The following GALNT16 variants were observed in gnomAD, a reference collection of about 807,000 sequenced individuals.
The protein encoded by GALNT16 is polypeptide N-acetylgalactosaminyltransferase 16.
A neutral mutation model predicts 76.1 loss-of-function variants in GALNT16; 40 were observed. That is an observed-to-expected ratio of 0.53 (90% CI 0.41 to 0.68). The LOEUF (loss-of-function observed/expected upper bound fraction) is 0.68. GALNT16 is among the 30% of genes least tolerant of loss of function. The pLI, the probability that GALNT16 is intolerant of heterozygous loss-of-function variation, is 0.00. For synonymous variants in GALNT16, 276 were observed against 285.2 expected (o/e 0.97, Z 0.32); for missense variants, 621 against 731.9 (o/e 0.85, Z 1.75).
chr14:69,272,868 G>A (rs898023849), intron 1 of GALNT16, among the ~76,000 whole-genome samples: 3 of 152,208 alleles, frequency 2.0e-5, no homozygotes, highest in Non-Finnish European at 4.4e-5. Flanking sequence ...GAGCAATAGG[G>A]TATCCCATAT....
intron 1 of GALNT16, among the ~76,000 whole-genome samples, chr14:69,284,896 C>A (rs1364978740): frequency 6.6e-6 from 1 of 152,062 alleles, no homozygotes; most frequent in Non-Finnish European, 1.5e-5. Flanking sequence ...CTTTGCTCGG[C>A]CCTTCTCTCT....
At chr14:69,264,759 AT>A (rs1333271965) in intron 1 of GALNT16, among the ~76,000 whole-genome samples, 4 of 148,024 alleles carry the variant, frequency 2.7e-5, no homozygotes, top group African/African-American at 1.0e-4. Context: ...CTTTGTCAAA[AT>A]GTTCAGATTT....
At chr14:69,286,246 C>T (rs967790301) in intron 1 of GALNT16, among the ~76,000 whole-genome samples, 4 of 151,322 alleles carry the variant, frequency 2.6e-5, no homozygotes, top group Admixed American at 2.6e-4. Flanking sequence ...TGCTCTATTT[C>T]TTGGTAGGGA....
the GALNT16 span, among the ~76,000 whole-genome samples, chr14:69,385,515 C>G: frequency 6.6e-6 from 1 of 152,014 alleles, no homozygotes; most frequent in Admixed American, 6.6e-5. Context: ...CTATCAGTTT[C>G]TCCTTCTCTG....
chr14:69,325,706 G>A (rs577551720), intron 4 of GALNT16, among the ~76,000 whole-genome samples: 3 of 152,312 alleles, frequency 2.0e-5, no homozygotes, highest in South Asian at 2.1e-4. Flanking sequence ...TAGCTGGGCT[G>A]GTAGCCACCC....
chr14:69,284,148 C>G (rs2044579123), intron 1 of GALNT16, among the ~76,000 whole-genome samples: 1 of 152,186 alleles, frequency 6.6e-6, no homozygotes, highest in Non-Finnish European at 1.5e-5. Flanking sequence ...TGGACCTCCT[C>G]CTTATCTTCC....
At chr14:69,281,333 G>A (rs1386150489) in intron 1 of GALNT16, among the ~76,000 whole-genome samples, 1 of 152,180 alleles carries the variant, frequency 6.6e-6, no homozygotes, top group Non-Finnish European at 1.5e-5. Flanking sequence ...CAGCTAATCA[G>A]TCACAGTGCT....
chr14:69,344,724 T>C (rs1193495965), intron 12 of GALNT16, among the ~76,000 whole-genome samples: 1 of 152,198 alleles, frequency 6.6e-6, no homozygotes, highest in Non-Finnish European at 1.5e-5. Context: ...TGAAAGCTGA[T>C]CAGCTTGCAC....
chr14:69,298,574 T>G (rs1322073341), intron 1 of GALNT16: 1 of 152,324 alleles, frequency 6.6e-6, no homozygotes, highest in African/African-American at 2.4e-5. Context: ...TGGGGGCAAC[T>G]TCCCCTGCAG....
chr14:69,281,125 G>A (rs531177356), intron 1 of GALNT16, among the ~76,000 whole-genome samples: 55 of 152,008 alleles, frequency 3.6e-4, no homozygotes, highest in African/African-American at 1.2e-3. Context: ...GACAGAGTCC[G>A]CGATCGTACT....
At chr14:69,266,044 T>C (rs1173680717) in intron 1 of GALNT16, among the ~76,000 whole-genome samples, 2 of 152,224 alleles carry the variant, frequency 1.3e-5, no homozygotes, top group Non-Finnish European at 2.9e-5. Flanking sequence ...CGCTTACTCA[T>C]GCTCTGACAA....
chr14:69,346,252 T>C (rs1340624138), intron 12 of GALNT16, among the ~76,000 whole-genome samples: 2 of 152,214 alleles, frequency 1.3e-5, no homozygotes, highest in Non-Finnish European at 2.9e-5. Flanking sequence ...CGAATTTATT[T>C]AGCCCAGCTC....
the GALNT16 span, among the ~76,000 whole-genome samples, chr14:69,367,448 A>G: frequency 3.3e-5 from 5 of 151,864 alleles, no homozygotes; most frequent in Non-Finnish European, 5.9e-5. Flanking sequence ...GCCATCTGCA[A>G]CCTGCAACCT....
chr14:69,327,593 G>A (rs1013775963), intron 5 of GALNT16, among the ~76,000 whole-genome samples: 1 of 152,194 alleles, frequency 6.6e-6, no homozygotes, highest in Non-Finnish European at 1.5e-5. Context: ...TGGGCTTTTG[G>A]CTGGCTGGCG....
intron 1 of GALNT16, among the ~76,000 whole-genome samples, chr14:69,297,591 T>C (rs368391314): frequency 7.9e-5 from 12 of 151,274 alleles, no homozygotes; most frequent in African/African-American, 2.7e-4. Flanking sequence ...TTTAAGAGTA[T>C]TTTTTTCTAA....
chr14:69,378,113 C>T, the GALNT16 span, among the ~76,000 whole-genome samples: 1 of 152,152 alleles, frequency 6.6e-6, no homozygotes, highest in South Asian at 2.1e-4. Flanking sequence ...TCTGTCCCAA[C>T]AATGGGAGTT....
chr14:69,379,236 G>A, the GALNT16 span, among the ~76,000 whole-genome samples: 9 of 152,134 alleles, frequency 5.9e-5, no homozygotes, highest in East Asian at 9.7e-4. Flanking sequence ...CACCGCACCC[G>A]GCCTATTTTA....
rs1460709217 is a variant in GALNT16, at chr14:69,287,339, C to T, written c.177+26872C>T. ...TGTTGCAGGCCCAGCACAGTGGCTGCCTAGCCAGATGCTCAGTAAGTGTTT... is the reference window on the plus strand; with the variant it reads ...TGTTGCAGGCCCAGCACAGTGGCTGTCTAGCCAGATGCTCAGTAAGTGTTT... On this transcript the variant is annotated intron_variant, in intron 1 of 14. Transcript: ENST00000448469. 2.6e-5 allele frequency among the ~76,000 whole-genome samples: 4 copies of T among 152,236 alleles called. No individual in the cohort carries two copies. In the East Asian group the frequency reaches 5.8e-4, roughly 22 times the overall value.
intron 1 of GALNT16, among the ~76,000 whole-genome samples, chr14:69,297,760 G>T (rs2044788483): frequency 6.6e-6 from 1 of 151,998 alleles, no homozygotes. Context: ...ATCATTCTCA[G>T]TTCTTCTAAG....
Sources: allele counts gnomAD v4.1 joint callset (sites outside exome capture counted in the v4.1 genomes callset), GRCh38; gene constraint gnomAD v4.1.1; transcripts MANE v1.5; gene names NCBI Gene and HGNC (gene_info 2026-07-23, HGNC 2026-07-21).